The following NR2C2 variants were observed in gnomAD, a reference collection of about 807,000 sequenced individuals.
NR2C2 encodes the protein nuclear receptor subfamily 2 group C member 2.
NR2C2 carries 6 observed loss-of-function variants against 62.9 expected under a neutral mutation model. The observed-to-expected ratio is 0.10, with a 90% CI of 0.05 to 0.19. The LOEUF is 0.19. Among genes scored for constraint, NR2C2 ranks in the 10% least tolerant of loss-of-function variants. NR2C2 has a pLI of 1.00. For synonymous variants in NR2C2, 272 were observed against 273.8 expected, an observed-to-expected ratio of 0.99 and a Z score of 0.07; for missense variants, 479 against 762.7, an observed-to-expected ratio of 0.63 and a Z score of 4.38.
At chr3:14,972,170 C>T (rs796923970) in intron 1 of NR2C2, among the ~76,000 whole-genome samples, 26 of 130,028 alleles carry the variant, frequency 2.0e-4, no homozygotes, top group South Asian at 2.5e-4. Flanking sequence ...TTTTCTTTTT[C>T]TTTCTTTTTT....
intron 1 of NR2C2, among the ~76,000 whole-genome samples, chr3:14,994,888 C>T (rs1035552385): frequency 5.3e-5 from 8 of 150,764 alleles, no homozygotes; most frequent in African/African-American, 2.0e-4. Flanking sequence ...GCACTTCAGC[C>T]TGGGTGACAG....
chr3:15,000,232 CT>C (rs1427788891), intron 1 of NR2C2, among the ~76,000 whole-genome samples: 6 of 152,072 alleles, frequency 3.9e-5, no homozygotes, highest in South Asian at 4.1e-4. Context: ...GAGTTTGATT[CT>C]TTTAGATTCC....
At chr3:15,001,942 C>T (rs2041015261) in intron 1 of NR2C2, among the ~76,000 whole-genome samples, 1 of 152,140 alleles carries the variant, frequency 6.6e-6, no homozygotes, top group Admixed American at 6.5e-5. Context: ...GATCTTATAT[C>T]CTGCAACCCT....
chr3:14,956,903 A>G (rs185002199), intron 1 of NR2C2, among the ~76,000 whole-genome samples: 10 of 152,324 alleles, frequency 6.6e-5, no homozygotes, highest in Non-Finnish European at 1.5e-4. Context: ...TTATGTGAAA[A>G]TCAGACCTAT....
At chr3:14,964,115 A>G (rs1044367597) in intron 1 of NR2C2, among the ~76,000 whole-genome samples, 2 of 152,352 alleles carry the variant, frequency 1.3e-5, no homozygotes, top group African/African-American at 4.8e-5. Flanking sequence ...GAAACCACAT[A>G]TAACAAAACC....
intron 1 of NR2C2, among the ~76,000 whole-genome samples, chr3:14,978,541 C>T (rs1293132470): frequency 2.0e-5 from 3 of 152,126 alleles, no homozygotes; most frequent in Non-Finnish European, 4.4e-5. Context: ...ACTGTTCGTC[C>T]ATAGGTTTCC....
rs573109841 is a variant in NR2C2, at chr3:15,046,106, C to G, written c.*3098C>G. The G allele has an allele frequency of 6.6e-6, 1 of 152,314 alleles. No individual in the cohort carries two copies. The highest frequency in any genetic ancestry group is 1.5e-5 in the Non-Finnish European group (1 of 68,042). 9.4% of individuals were successfully genotyped at this position (152,314 alleles called of 1,614,324 possible). A position where few individuals can be genotyped will look rare whatever the true frequency, so the allele number is the denominator to read the frequency against. ...AAGGTGTTTTTAAGGAAGTGTGTTACCTACCATACTCTCCTAATTTGACAT... is the reference window on the plus strand; with the variant it reads ...AAGGTGTTTTTAAGGAAGTGTGTTAGCTACCATACTCTCCTAATTTGACAT... On this transcript the variant is annotated 3_prime_UTR_variant, in exon 14 of 14. Coordinates refer to ENST00000425241, the MANE Select transcript of NR2C2 (RefSeq NM_001291694.2).
chr3:15,005,587 C>T (rs1295336218), intron 2 of NR2C2, among the ~76,000 whole-genome samples: 3 of 146,164 alleles, frequency 2.1e-5, no homozygotes, highest in Non-Finnish European at 4.5e-5. Context: ...TTACTATTCA[C>T]AGACAGGATC....
At chr3:14,964,984 A>G (rs1198503359) in intron 1 of NR2C2, among the ~76,000 whole-genome samples, 1 of 152,054 alleles carries the variant, frequency 6.6e-6, no homozygotes, top group African/African-American at 2.4e-5. Flanking sequence ...ATACATACCC[A>G]CACTCACTCA....
At chr3:15,025,464 G>C (rs940187496) in intron 7 of NR2C2, 9 of 152,208 alleles carry the variant, frequency 5.9e-5, no homozygotes, top group African/African-American at 2.2e-4. Context: ...GGTATTTCAG[G>C]AATCAAGAGA....
At chr3:15,042,014 C>A (rs1042975521) in intron 13 of NR2C2, among the ~76,000 whole-genome samples, 5 of 152,126 alleles carry the variant, frequency 3.3e-5, no homozygotes, top group African/African-American at 1.2e-4. Context: ...ACGTACTCTT[C>A]TTCATTTTCT....
At chr3:14,980,218 A>G (rs1257241373) in intron 1 of NR2C2, among the ~76,000 whole-genome samples, 1 of 151,930 alleles carries the variant, frequency 6.6e-6, no homozygotes, top group African/African-American at 2.4e-5. Flanking sequence ...AGGTGTGATC[A>G]CAGCTCACTG....
At chr3:15,021,782 T>C (rs1575017380) in intron 5 of NR2C2, among the ~76,000 whole-genome samples, 2 of 152,350 alleles carry the variant, frequency 1.3e-5, no homozygotes, top group East Asian at 3.9e-4. Flanking sequence ...TTCTAGGAAC[T>C]CTGAAAACCA....
intron 1 of NR2C2, among the ~76,000 whole-genome samples, chr3:14,997,719 G>A (rs1297337707): frequency 2.0e-5 from 3 of 151,964 alleles, no homozygotes; most frequent in Non-Finnish European, 4.4e-5. Flanking sequence ...TTGTTAAAAT[G>A]TATGCTTATG....
At chr3:15,004,069 G>A (rs2041098455) in intron 2 of NR2C2, 83 bp downstream of exon 2, 1 of 1,145,998 alleles carries the variant, frequency 8.7e-7, no homozygotes, top group Non-Finnish European at 1.2e-6. Context: ...TTTCACTAAA[G>A]AGTTGTGCCT....
chr3:15,029,740 A>T (rs2041915716), intron 8 of NR2C2, among the ~76,000 whole-genome samples: 1 of 151,940 alleles, frequency 6.6e-6, no homozygotes, highest in Non-Finnish European at 1.5e-5. Flanking sequence ...GGATCACTTG[A>T]TCCCAGGGGT....
intron 1 of NR2C2, among the ~76,000 whole-genome samples, chr3:14,967,154 A>G (rs2039881743): frequency 1.3e-5 from 2 of 152,100 alleles, no homozygotes; most frequent in South Asian, 2.1e-4. Flanking sequence ...ACAGTTCTTC[A>G]TAGCATTCCT....
At chr3:14,954,882 G>A (rs974504871) in intron 1 of NR2C2, among the ~76,000 whole-genome samples, 20 of 152,194 alleles carry the variant, frequency 1.3e-4, no homozygotes, top group African/African-American at 4.8e-4. Flanking sequence ...CCAGGCCGGA[G>A]TGCAGTGGTA....
chr3:14,947,612 GGGC>G lies in NR2C2; in HGVS notation c.-318_-316del, dbSNP rs753634277. ...ATTCGCCCTCCTCCTACCAGCGCGCGGGCGGCGGCGGCGGCGGCACCGGGGTCA... is the reference window on the plus strand; with the variant it reads ...ATTCGCCCTCCTCCTACCAGCGCGCGGGCGGCGGCGGCGGCACCGGGGTCA... On this transcript the variant is annotated 5_prime_UTR_variant, in exon 1 of 14. Transcript: ENST00000425241. 4.9e-4 allele frequency: 75 copies of G among 153,078 alleles called. No homozygotes were observed. Among genetic ancestry groups the G allele is most frequent in the Middle Eastern group, 3.2e-3 (1 of 308 alleles). The allele number at this position is 153,078 out of a possible 1,614,324, so 9.5% of individuals were successfully genotyped here.
Sources: gnomAD v4.1 joint callset for allele counts (sites outside exome capture counted in the v4.1 genomes callset) on GRCh38, gnomAD v4.1.1 for gene constraint, MANE v1.5 for transcripts, NCBI Gene and HGNC (gene_info 2026-07-23, HGNC 2026-07-21) for gene names.